GPR34: variants seen among roughly 807,000 people sequenced by gnomAD.
The protein encoded by GPR34 is probable G protein-coupled receptor 34.
GPR34 carries 3 observed loss-of-function variants against 14.1 expected under a neutral mutation model. The ratio of observed to expected loss-of-function variants is 0.21; its 90% confidence interval spans 0.10 to 0.55. GPR34 has a LOEUF of 0.55. Ranked by LOEUF, GPR34 falls within the 20% of genes least tolerant of loss-of-function variation. The pLI is 0.94. For synonymous variants in GPR34, 99 were observed against 99.9 expected (o/e 0.99, Z 0.05); for missense variants, 213 against 292.8 (o/e 0.73, Z 1.99).
chrX:41,694,104 T>G (rs1044183425), intron 2 of GPR34, among the ~76,000 whole-genome samples: 1 of 112,225 alleles, frequency 8.9e-6, no homozygotes, highest in African/African-American at 3.2e-5. Flanking sequence ...TCCCACACAG[T>G]ACTTAGCCAA....
At chrX:41,690,448 G>A (rs930304837) in intron 2 of GPR34, among the ~76,000 whole-genome samples, 3 of 109,884 alleles carry the variant, frequency 2.7e-5, no homozygotes, top group Non-Finnish European at 5.7e-5. Context: ...CCGGGTTCAA[G>A]CAATTCTCCA....
intron 2 of GPR34, 88 bp downstream of exon 2, chrX:41,689,923 G>A (rs1205604097): frequency 2.7e-5 from 3 of 111,150 alleles, no homozygotes; most frequent in African/African-American, 9.8e-5. Context: ...AGTCACAGTG[G>A]AATCTGTTGG....
chrX:41,696,269 C>T lies in GPR34; in HGVS notation c.636C>T (p.Asn212=), dbSNP rs767810488. 44 of 1,193,620 alleles carry T rather than the reference C, an allele frequency of 3.7e-5. No individual in the cohort carries two copies. Among genetic ancestry groups the T allele is most frequent in the South Asian group, 2.6e-4 (14 of 54,075 alleles). The stretch of plus-strand genomic sequence containing the variant: ...GTTTCCATTACAGAGATAAGCATAA[C>T]GCAAAAGGAGAAGCCATTTTTAACT... The part of the protein sequence containing the change: ...TMCFHYRDKH[N]AKGEAIFNFI... Residue 212 remains asparagine (N), a synonymous_variant, in exon 3 of 3, where the codon AAC becomes AAT. Transcript: ENST00000378142.
In GPR34 at chrX:41,695,735, A is replaced by T; in HGVS notation, c.102A>T (p.Pro34=). Residue 34 remains proline (P), a synonymous_variant, in exon 3 of 3, where the codon CCA becomes CCT. Transcript: ENST00000378142. ...TAACCAATCATAGCGACCAACCGCC[A>T]CAAAACTTCTCAGCAACACCAAATG... The part of the protein sequence containing the change: ...RFITNHSDQP[P]QNFSATPNVT... The T allele has an allele frequency of 8.3e-7, 1 of 1,209,927 alleles. No homozygotes were observed. The highest frequency in any genetic ancestry group is 1.1e-6 in the Non-Finnish European group (1 of 893,791).
chrX:41,690,801 G>C (rs1225965492), intron 2 of GPR34, among the ~76,000 whole-genome samples: 1 of 108,120 alleles, frequency 9.2e-6, no homozygotes, highest in Admixed American at 1.0e-4. Flanking sequence ...AGCCTCTCGA[G>C]TAGCTGGGAC....
rs2067699932 is a variant in GPR34 at position 41,696,866 on chromosome X, C to T, written c.*87C>T. The T allele has an allele frequency of 1.7e-6, 1 of 573,046 alleles. No homozygotes were observed. Among genetic ancestry groups the T allele is most frequent in the African/African-American group, 2.3e-5 (1 of 43,882 alleles). The allele number at this position is 573,046 out of a possible 1,213,427, so 47.2% of individuals were successfully genotyped here. On this transcript the variant is annotated 3_prime_UTR_variant, in exon 3 of 3. Coordinates refer to ENST00000378142, the MANE Select transcript of GPR34 (RefSeq NM_001097579.2). ...TTAGGAAACAAAGTTCTAGCATTTA[C>T]AAAACTCAGATCTCAAAGCTCTGCT...
chrX:41,692,971 T>C (rs186733788), intron 2 of GPR34, among the ~76,000 whole-genome samples: 1 of 112,184 alleles, frequency 8.9e-6, no homozygotes, highest in Non-Finnish European at 1.9e-5. Context: ...AATTCCCTCT[T>C]TGATTTAATA....
chrX:41,693,249 A>G (rs2067610606), intron 2 of GPR34, among the ~76,000 whole-genome samples: 1 of 111,081 alleles, frequency 9.0e-6, no homozygotes, highest in Non-Finnish European at 1.9e-5. Flanking sequence ...TTTCCTGGTA[A>G]TGCAGGTTGC....
intron 2 of GPR34, among the ~76,000 whole-genome samples, chrX:41,692,286 C>T (rs1377246493): frequency 1.8e-5 from 2 of 111,851 alleles, no homozygotes; most frequent in Admixed American, 9.5e-5. Context: ...GAAACCCATT[C>T]CAGACCAATT....
At chrX:41,694,268 T>C (rs755683833) in intron 2 of GPR34, among the ~76,000 whole-genome samples, 7 of 112,602 alleles carry the variant, frequency 6.2e-5, no homozygotes, top group Non-Finnish European at 1.1e-4. Context: ...TTAAGTTATT[T>C]GCCCTTGGTC....
In GPR34 at chrX:41,694,357, A is replaced by T. The variant is rs142819958; in HGVS notation, c.-79-1198A>T. Among the ~76,000 whole-genome samples, 136 of 111,746 alleles carry T rather than the reference A, an allele frequency of 1.2e-3. 2 individuals carry two copies. The highest frequency in any genetic ancestry group is 4.3e-3 in the African/African-American group (133 of 30,752). ...ACCCTGCTAAGTGGCTGCTGTAGAG[A>T]AATAGGGCAGTCACTCTATGAGAGG... On this transcript the variant is annotated intron_variant, in intron 2 of 2. Coordinates refer to ENST00000378142, the MANE Select transcript of GPR34 (RefSeq NM_001097579.2).
chrX:41,695,341 G>A (rs778915841), intron 2 of GPR34, among the ~76,000 whole-genome samples: 50 of 103,303 alleles, frequency 4.8e-4, no homozygotes, highest in Admixed American at 1.7e-3. Flanking sequence ...AAAGAGATGG[G>A]GTCTTGTTCT....
intron 2 of GPR34, among the ~76,000 whole-genome samples, chrX:41,695,067 C>T (rs1465120606): frequency 2.7e-5 from 3 of 111,614 alleles, no homozygotes; most frequent in Middle Eastern, 4.2e-3. Flanking sequence ...TCACCACCAT[C>T]TGTATTCCCA....
chrX:41,691,663 C>T (rs1274476796), intron 2 of GPR34, among the ~76,000 whole-genome samples: 1 of 108,018 alleles, frequency 9.3e-6, no homozygotes, highest in Non-Finnish European at 1.9e-5. Flanking sequence ...TCAAGACCAG[C>T]CTGGCCAACA....
Position 41,695,795 on chromosome X carries a change from T to C in GPR34, c.162T>C (p.Ser54=), listed in dbSNP as rs2067676116. The change falls in exon 3 of 3, where the codon TCT becomes TCC. Residue 54 remains serine, a synonymous_variant. Coordinates refer to ENST00000378142, the MANE Select transcript of GPR34 (RefSeq NM_001097579.2). ...GTCCCATGGATGAAAAATTGCTATC[T>C]ACTGTGTTAACCACATCCTACTCTG... ...TTCPMDEKLL[S]TVLTTSYSVI... 5 of 1,207,271 alleles carry C rather than the reference T, an allele frequency of 4.1e-6. No individual in the cohort carries two copies. Among genetic ancestry groups the C allele is most frequent in the Non-Finnish European group, 4.5e-6 (4 of 892,649 alleles).
chrX:41,689,231 T>C (rs1428444438), intron 1 of GPR34, 147 bp downstream of exon 1: 1 of 111,925 alleles, frequency 8.9e-6, no homozygotes, highest in Non-Finnish European at 1.9e-5. Context: ...ACTGAGTAAA[T>C]TGCTTGAATG....
rs201118748 is a variant in GPR34 at position 41,695,832 on chromosome X, G to C, written c.199G>C (p.Val67Leu). The C allele has an allele frequency of 7.5e-6, 9 of 1,201,352 alleles. No individual in the cohort carries two copies. The Admixed American group carries it at 1.3e-4, about 18-fold the overall frequency. The change falls in exon 3 of 3, where the codon GTG (valine) becomes CTG (leucine). Residue 67 changes from valine to leucine, a missense_variant. Physicochemically the swap from Val to Leu is conservative, Grantham distance 32 (BLOSUM62 1). Coordinates refer to ENST00000378142, the MANE Select transcript of GPR34 (RefSeq NM_001097579.2). ...LTTSYSVIFI[V>L]GLVGNIIALY... is the part of the protein sequence containing the mutation. ...CACATCCTACTCTGTTATTTTCATC[G>C]TGGGACTGGTTGGGAACATAATCGC... is the stretch of plus-strand genomic sequence containing the variant.
intron 2 of GPR34, among the ~76,000 whole-genome samples, chrX:41,693,116 G>A (rs1034099339): frequency 1.8e-5 from 2 of 111,434 alleles, no homozygotes; most frequent in African/African-American, 3.3e-5. Flanking sequence ...AGTTTTTCAC[G>A]TCATTTCAGC....
intron 2 of GPR34, 36 bp from the exon 3 acceptor site, chrX:41,695,519 A>G: frequency 2.0e-6 from 1 of 506,504 alleles, no homozygotes; most frequent in Non-Finnish European, 3.4e-6. Context: ...TGTTATTAAA[A>G]TAGCAAATGA....
Sources: allele counts gnomAD v4.1 joint callset (sites outside exome capture counted in the v4.1 genomes callset), GRCh38; gene constraint gnomAD v4.1.1; transcripts MANE v1.5; gene names NCBI Gene and HGNC (gene_info 2026-07-23, HGNC 2026-07-21).